The following AUTS2 variants were observed in gnomAD, a reference collection of about 807,000 sequenced individuals.
The protein encoded by AUTS2 is autism susceptibility gene 2 protein.
A neutral mutation model predicts 112.4 loss-of-function variants in AUTS2; 17 were observed. That is an observed-to-expected ratio of 0.15 (90% confidence interval 0.10 to 0.23). The LOEUF is 0.23. Ranked by LOEUF, AUTS2 falls within the 10% of genes least tolerant of loss-of-function variation. The pLI, the probability that AUTS2 is intolerant of heterozygous loss-of-function variation, is 1.00. For synonymous variants in AUTS2, 751 were observed against 702.7 expected (o/e 1.07, Z -1.09); for missense variants, 1,510 against 1,701.6 (o/e 0.89, Z 1.98).
chr7:69,958,519 G>C (rs1797307299), intron 2 of AUTS2, among the ~76,000 whole-genome samples: 1 of 152,102 alleles, frequency 6.6e-6, no homozygotes, highest in Non-Finnish European at 1.5e-5. Flanking sequence ...AGAGCTAAAA[G>C]CAACACAGCT....
intron 17 of AUTS2, among the ~76,000 whole-genome samples, chr7:70,786,586 C>T (rs542487424): frequency 3.3e-5 from 5 of 152,256 alleles, no homozygotes; most frequent in African/African-American, 1.2e-4. Flanking sequence ...AGAATTACAA[C>T]CCCATCTCAC....
rs1811199506 is a variant in AUTS2 at position 70,216,981 on chromosome 7, C to G, written c.660+82410C>G. On this transcript the variant is annotated intron_variant, in intron 4 of 18. Coordinates refer to ENST00000342771, the MANE Select transcript of AUTS2 (RefSeq NM_015570.4). ...CTGGAGTGCAGTGGCACGATCTCAG[C>G]TCACTGTGACCTCCACCTCCCAGGT... Among the ~76,000 whole-genome samples, 5 of 152,160 alleles carry G rather than the reference C, an allele frequency of 3.3e-5. No individual in the cohort carries two copies. In the South Asian group the frequency reaches 1.0e-3, roughly 32 times the overall value.
intron 4 of AUTS2, among the ~76,000 whole-genome samples, chr7:70,196,879 G>A (rs956602610): frequency 6.6e-6 from 1 of 152,134 alleles, no homozygotes; most frequent in Non-Finnish European, 1.5e-5. Context: ...GCAAGTTCAA[G>A]GTTCAGATAA....
At chr7:70,054,679 G>A (rs1438480890) in intron 2 of AUTS2, among the ~76,000 whole-genome samples, 1 of 152,102 alleles carries the variant, frequency 6.6e-6, no homozygotes, top group Admixed American at 6.5e-5. Context: ...AACTGCTTTG[G>A]TAAATCATTC....
intron 5 of AUTS2, among the ~76,000 whole-genome samples, chr7:70,680,438 C>G (rs922631293): frequency 6.6e-6 from 1 of 152,204 alleles, no homozygotes; most frequent in Non-Finnish European, 1.5e-5. Flanking sequence ...ACCTCATCTT[C>G]CCTGTCATGG....
chr7:70,686,748 G>T (rs1808492637), intron 5 of AUTS2, among the ~76,000 whole-genome samples: 1 of 152,030 alleles, frequency 6.6e-6, no homozygotes, highest in Non-Finnish European at 1.5e-5. Flanking sequence ...GGCCAGGCTG[G>T]TCTCAAACTC....
Position 70,606,781 on chromosome 7 carries a change from G to A in AUTS2, c.691-91788G>A, listed in dbSNP as rs562752306. The stretch of plus-strand genomic sequence containing the variant: ...GGAGACTGAGGCAGGAGAATCGCTT[G>A]TACCTGGGAGGTGGAGGTTGCAGTG... On this transcript the variant is annotated intron_variant, in intron 5 of 18. Transcript: ENST00000342771. 1.6e-3 allele frequency among the ~76,000 whole-genome samples: 235 copies of A among 151,054 alleles called. 2 individuals are homozygous for A. The highest frequency in any genetic ancestry group is 3.5e-3 in the Admixed American group (53 of 15,144).
intron 1 of AUTS2, among the ~76,000 whole-genome samples, chr7:69,641,177 A>G (rs1212201909): frequency 6.6e-6 from 1 of 152,214 alleles, no homozygotes; most frequent in Admixed American, 6.5e-5. Flanking sequence ...TTATAGCAAT[A>G]AAGTACTCAA....
Position 69,716,423 on chromosome 7 carries a change from G to A in AUTS2, c.309+116461G>A, listed in dbSNP as rs190067593. 1.4e-3 allele frequency among the ~76,000 whole-genome samples: 206 copies of A among 152,080 alleles called. 3 individuals are homozygous for A. The highest frequency in any genetic ancestry group is 4.6e-4 in the Non-Finnish European group (31 of 68,000). ...ATTAGACAAATTAAGAGAAATTTTCGATAGGGAAAAGAAGCAGGACAAGGA... is the reference window on the plus strand; with the variant it reads ...ATTAGACAAATTAAGAGAAATTTTCAATAGGGAAAAGAAGCAGGACAAGGA... On this transcript the variant is annotated intron_variant, in intron 1 of 18. Coordinates refer to ENST00000342771, the MANE Select transcript of AUTS2 (RefSeq NM_015570.4).
chr7:70,276,079 C>G (rs928016920), intron 4 of AUTS2, among the ~76,000 whole-genome samples: 1 of 152,158 alleles, frequency 6.6e-6, no homozygotes, highest in African/African-American at 2.4e-5. Context: ...CAGATTTGCT[C>G]TCATAATGTT....
chr7:70,741,645 C>G (rs1300059949), intron 6 of AUTS2, among the ~76,000 whole-genome samples: 1 of 149,456 alleles, frequency 6.7e-6, no homozygotes, highest in South Asian at 2.1e-4. Context: ...GAGCCAAGAT[C>G]GTGTCATTGC....
At chr7:70,580,543 A>G (rs1375960343) in intron 5 of AUTS2, among the ~76,000 whole-genome samples, 2 of 152,126 alleles carry the variant, frequency 1.3e-5, no homozygotes, top group Non-Finnish European at 2.9e-5. Context: ...CTCAGGATAC[A>G]AGCCCCACCT....
At chr7:70,095,360 T>TA (rs1451360064) in intron 2 of AUTS2, among the ~76,000 whole-genome samples, 1 of 152,200 alleles carries the variant, frequency 6.6e-6, no homozygotes. Flanking sequence ...ATAGAAGTCT[T>TA]ACAACTACGT....
At chr7:70,744,636 G>A (rs1788332904) in intron 6 of AUTS2, among the ~76,000 whole-genome samples, 1 of 152,208 alleles carries the variant, frequency 6.6e-6, no homozygotes, top group Non-Finnish European at 1.5e-5. Flanking sequence ...TTGTCAGACC[G>A]ATGAGCGAGG....
At chr7:70,250,292 G>A (rs979886190) in intron 4 of AUTS2, among the ~76,000 whole-genome samples, 8 of 152,132 alleles carry the variant, frequency 5.3e-5, no homozygotes, top group Non-Finnish European at 1.0e-4. Context: ...CCTTCTCTTA[G>A]TGTTTCTCAA....
intron 7 of AUTS2, among the ~76,000 whole-genome samples, chr7:70,764,062 A>G (rs913751000): frequency 7.2e-5 from 11 of 152,180 alleles, no homozygotes; most frequent in Admixed American, 3.9e-4. Context: ...CCCGGGGGCT[A>G]TAATTCTAAC....
intron 6 of AUTS2, among the ~76,000 whole-genome samples, chr7:70,755,435 C>T (rs1362215774): frequency 4.6e-5 from 7 of 151,838 alleles, no homozygotes; most frequent in Non-Finnish European, 1.0e-4. Flanking sequence ...GAGGCCGAGG[C>T]GGGGGTGGAT....
intron 4 of AUTS2, among the ~76,000 whole-genome samples, chr7:70,307,849 G>A (rs1562868469): frequency 6.6e-6 from 1 of 151,776 alleles, no homozygotes; most frequent in African/African-American, 2.4e-5. Context: ...ACATTTTGAG[G>A]GGAGTTACCA....
intron 1 of AUTS2, among the ~76,000 whole-genome samples, chr7:69,748,200 TATCTC>T (rs1051659658): frequency 9.9e-4 from 151 of 152,292 alleles, no homozygotes; most frequent in African/African-American, 3.3e-3. Flanking sequence ...TTAGATTTCT[TATCTC>T]AGGAAGTTCA....
Sources: gnomAD v4.1 joint callset for allele counts (sites outside exome capture counted in the v4.1 genomes callset) on GRCh38, gnomAD v4.1.1 for gene constraint, MANE v1.5 for transcripts, NCBI Gene and HGNC (gene_info 2026-07-23, HGNC 2026-07-21) for gene names.